CHST8: variants seen among roughly 807,000 people sequenced by gnomAD.
CHST8 encodes GALNAC-4-ST1.
In CHST8, 10 loss-of-function variants were observed where a neutral mutation model predicts 15.0. That is an observed-to-expected ratio of 0.67 (90% CI 0.41 to 1.13). The LOEUF is 1.13. Among genes scored for constraint, CHST8 ranks in the 50% most tolerant of loss-of-function variants. CHST8 has a pLI of 0.00. For synonymous variants in CHST8, 259 were observed against 256.6 expected, an observed-to-expected ratio of 1.01 and a Z score of -0.09; for missense variants, 634 against 608.2, an observed-to-expected ratio of 1.04 and a Z score of -0.45.
intron 1 of CHST8, among the ~76,000 whole-genome samples, chr19:33,659,693 C>T (rs1055909987): frequency 2.6e-5 from 4 of 151,898 alleles, no homozygotes; most frequent in Non-Finnish European, 5.9e-5. Context: ...GCCTGAAATC[C>T]CAGCTACTCA....
intron 3 of CHST8, among the ~76,000 whole-genome samples, chr19:33,755,450 T>C (rs893682589): frequency 2.0e-5 from 3 of 151,348 alleles, no homozygotes; most frequent in African/African-American, 4.8e-5. Flanking sequence ...CTGGGGAAGA[T>C]GCTGTGGTGG....
intron 3 of CHST8, among the ~76,000 whole-genome samples, chr19:33,713,227 C>T (rs1333509292): frequency 6.6e-6 from 1 of 152,210 alleles, no homozygotes; most frequent in Non-Finnish European, 1.5e-5. Flanking sequence ...AGTTCACCTG[C>T]TGCTTCTCGC....
At chr19:33,692,035 A>C (rs1373234677) in intron 3 of CHST8, among the ~76,000 whole-genome samples, 1 of 152,116 alleles carries the variant, frequency 6.6e-6, no homozygotes, top group Non-Finnish European at 1.5e-5. Flanking sequence ...CAGCCACCGG[A>C]TATTAACAGC....
At chr19:33,663,343 T>C (rs1316099111) in intron 1 of CHST8, among the ~76,000 whole-genome samples, 6 of 152,146 alleles carry the variant, frequency 3.9e-5, no homozygotes, top group Admixed American at 2.6e-4. Context: ...GGCAGGAGGA[T>C]TGCTTGAGCC....
chr19:33,757,518 GAAAGAGAAAGAAAGAA>G (rs1974609481), intron 3 of CHST8, among the ~76,000 whole-genome samples: 1 of 54,102 alleles, frequency 1.8e-5, no homozygotes. Context: ...AAGAAAGAAA[GAAAGAGAAAGAAAGAA>G]AGAAAGAAAG....
chr19:33,746,531 G>A (rs962987758), intron 3 of CHST8, among the ~76,000 whole-genome samples: 2 of 152,220 alleles, frequency 1.3e-5, no homozygotes, highest in African/African-American at 4.8e-5. Flanking sequence ...AGTAGTTGGT[G>A]TTTTTCTTAC....
chr19:33,747,859 G>A (rs1289998387), intron 3 of CHST8, among the ~76,000 whole-genome samples: 1 of 152,110 alleles, frequency 6.6e-6, no homozygotes, highest in Non-Finnish European at 1.5e-5. Context: ...ACACACAAGG[G>A]GGGTTCCTAG....
intron 3 of CHST8, among the ~76,000 whole-genome samples, chr19:33,710,872 G>GGTTT (rs397802097): frequency 7.2e-6 from 1 of 138,622 alleles, no homozygotes; most frequent in Non-Finnish European, 1.6e-5. Flanking sequence ...AATTTCTGGA[G>GGTTT]TTTTTTTTTT....
chr19:33,663,471 G>T (rs1381167458), intron 1 of CHST8, among the ~76,000 whole-genome samples: 1 of 152,116 alleles, frequency 6.6e-6, no homozygotes, highest in Non-Finnish European at 1.5e-5. Flanking sequence ...GGGCCAAGGC[G>T]GGAGAATCAC....
chr19:33,642,189 C>T (rs1469069945), intron 1 of CHST8, among the ~76,000 whole-genome samples: 1 of 152,054 alleles, frequency 6.6e-6, no homozygotes. Context: ...GGGCCAAAGC[C>T]CTCACCTCTG....
chr19:33,767,673 G>A (rs1209394318), intron 3 of CHST8, among the ~76,000 whole-genome samples: 1 of 152,236 alleles, frequency 6.6e-6, no homozygotes, highest in Non-Finnish European at 1.5e-5. Flanking sequence ...GGGGGATGGA[G>A]CTCCCTTACA....
Position 33,734,860 on chromosome 19 carries a change from T to C in CHST8, c.131-36553T>C, listed in dbSNP as rs1298215621. Among the ~76,000 whole-genome samples, 3 of 152,202 alleles carry C rather than the reference T, an allele frequency of 2.0e-5. No individual in the cohort carries two copies. In the South Asian group the frequency reaches 6.2e-4, roughly 32 times the overall value. ...AGGGTGAGGTGGGGGTGAGGTTCTG[T>C]TGACAACCAAGTCTCCTGCACAGCT... On this transcript the variant is annotated intron_variant, in intron 3 of 4. Transcript: ENST00000650847.
At chr19:33,661,472 G>T (rs1193545753) in intron 1 of CHST8, among the ~76,000 whole-genome samples, 1 of 152,220 alleles carries the variant, frequency 6.6e-6, no homozygotes, top group Non-Finnish European at 1.5e-5. Flanking sequence ...GGTAACTTCT[G>T]TAAGCAAAGC....
In CHST8 at chr19:33,773,223, C is replaced by T; in HGVS notation, c.*160C>T. ...GCAGGCCCCGGGTGGGGGGCAGAGGCGCCCAGCCTTGGATGGGGACCCCAG... is the reference window on the plus strand; with the variant it reads ...GCAGGCCCCGGGTGGGGGGCAGAGGTGCCCAGCCTTGGATGGGGACCCCAG... On this transcript the variant is annotated 3_prime_UTR_variant, in exon 5 of 5. Transcript: ENST00000650847. 3.7e-6 allele frequency: 3 copies of T among 817,444 alleles called. No homozygotes were observed. The highest frequency in any genetic ancestry group is 3.7e-4 in the Middle Eastern group (1 of 2,712). The allele number at this position is 817,444 out of a possible 1,614,324, so 50.6% of individuals were successfully genotyped here.
intron 1 of CHST8, among the ~76,000 whole-genome samples, chr19:33,660,225 T>C (rs1243787169): frequency 6.6e-6 from 1 of 152,196 alleles, no homozygotes; most frequent in Non-Finnish European, 1.5e-5. Flanking sequence ...ATTTGTACCA[T>C]CTCTTAGATC....
intron 2 of CHST8, among the ~76,000 whole-genome samples, chr19:33,673,723 T>C (rs35330001): frequency 0.23 from 35,459 of 151,954 alleles, 4,522 homozygotes; most frequent in African/African-American, 0.32. Context: ...TGGAGGGGTC[T>C]CTAGGCTCTA....
chr19:33,648,050 T>A (rs1011086081), intron 1 of CHST8, among the ~76,000 whole-genome samples: 3 of 151,888 alleles, frequency 2.0e-5, no homozygotes, highest in African/African-American at 7.3e-5. Context: ...TTGAGCCCAG[T>A]CCTTGAGAAG....
intron 1 of CHST8, among the ~76,000 whole-genome samples, chr19:33,648,299 G>A (rs534983200): frequency 6.6e-6 from 1 of 152,190 alleles, no homozygotes; most frequent in Admixed American, 6.5e-5. Flanking sequence ...TTTTCAGTAT[G>A]TTCCCAGTGT....
intron 3 of CHST8, among the ~76,000 whole-genome samples, chr19:33,716,315 A>G (rs1973664849): frequency 1.3e-5 from 2 of 152,126 alleles, no homozygotes; most frequent in African/African-American, 4.8e-5. Context: ...CAGATGCTTG[A>G]TGAGCCCTAG....
Sources: allele counts gnomAD v4.1 joint callset (sites outside exome capture counted in the v4.1 genomes callset), GRCh38; gene constraint gnomAD v4.1.1; transcripts MANE v1.5; gene names NCBI Gene and HGNC (gene_info 2026-07-23, HGNC 2026-07-21).